The following MPP4 variants were observed in gnomAD, a reference collection of about 807,000 sequenced individuals.
MPP4 encodes the protein MAGUK p55 subfamily member 4.
Under a neutral mutation model 98.3 loss-of-function variants are expected in MPP4, and 91 were observed. The ratio of observed to expected loss-of-function variants is 0.93; its 90% CI spans 0.78 to 1.10. The LOEUF (loss-of-function observed/expected upper bound fraction) is 1.10. Among genes scored for constraint, MPP4 ranks in the 50% least tolerant of loss-of-function variants. The pLI, the probability that MPP4 is intolerant of heterozygous loss-of-function variation, is 0.00. For missense variants in MPP4, 744 were observed against 792.9 expected, an observed-to-expected ratio of 0.94 and a Z score of 0.74; for synonymous variants, 261 against 271.8, an observed-to-expected ratio of 0.96 and a Z score of 0.39.
intron 1 of MPP4, among the ~76,000 whole-genome samples, chr2:201,694,981 T>C (rs981664237): frequency 2.6e-5 from 4 of 152,184 alleles, no homozygotes; most frequent in African/African-American, 4.8e-5. Flanking sequence ...ATGCTTATTT[T>C]AATGTTTATT....
rs768887059 is a variant in MPP4, at chr2:201,693,998, G to A, written c.-44C>T. 9.3e-6 allele frequency: 15 copies of A among 1,613,580 alleles called. No individual in the cohort carries two copies. The highest frequency in any genetic ancestry group is 2.2e-5 in the South Asian group (2 of 91,058). ...TGAAAGGAATTCAGGACTAGGAAGC[G>A]GGTCAATACACGGCACACAGCTCAC... On this transcript the variant is annotated 5_prime_UTR_variant, in exon 2 of 22. Coordinates refer to ENST00000409474, the MANE Select transcript of MPP4 (RefSeq NM_033066.3).
At chr2:201,694,140 C>G in intron 1 of MPP4, 86 bp from the exon 2 acceptor site, 5 of 1,308,782 alleles carry the variant, frequency 3.8e-6, no homozygotes, top group Non-Finnish European at 5.1e-6. Context: ...ACACAGTCTT[C>G]CCCTGTGGTG....
intron 5 of MPP4, among the ~76,000 whole-genome samples, chr2:201,686,839 T>C (rs1031585457): frequency 2.0e-5 from 3 of 152,218 alleles, no homozygotes. Context: ...TACTAAGAGA[T>C]AGGTTTCTGT....
Position 201,650,655 on chromosome 2 carries a change from A to C in MPP4, c.1382-490T>G, listed in dbSNP as rs143865227. ...GCTCACATTCATAAGACTGATGAAAAGCGAAGTTGAAATTAGAACCTACGT... is the reference window on the plus strand; with the variant it reads ...GCTCACATTCATAAGACTGATGAAACGCGAAGTTGAAATTAGAACCTACGT... On this transcript the variant is annotated intron_variant, in intron 18 of 21. Transcript: ENST00000409474. 42 of 985,338 alleles carry C rather than the reference A, an allele frequency of 4.3e-5. No individual in the cohort carries two copies. The African/African-American group carries it at 6.8e-4, about 16-fold the overall frequency. 61.0% of individuals were successfully genotyped at this position (985,338 alleles called of 1,614,324 possible). A position where few individuals can be genotyped will look rare whatever the true frequency, so the allele number is the denominator to read the frequency against.
intron 11 of MPP4, among the ~76,000 whole-genome samples, chr2:201,673,304 C>A (rs1419670658): frequency 6.6e-6 from 1 of 152,134 alleles, no homozygotes; most frequent in Non-Finnish European, 1.5e-5. Flanking sequence ...TCATTCCCAG[C>A]AAACTAAGAC....
chr2:201,681,081 C>T (rs766196397), intron 9 of MPP4, 47 bp from the exon 10 acceptor site: 63 of 1,571,972 alleles, frequency 4.0e-5, no homozygotes, highest in Admixed American at 6.9e-5. Context: ...CCTAATGGTG[C>T]CATCCGAAGA....
At chr2:201,645,708 T>C (rs1016209153) in intron 21 of MPP4, among the ~76,000 whole-genome samples, 3 of 152,260 alleles carry the variant, frequency 2.0e-5, no homozygotes, top group African/African-American at 7.2e-5. Flanking sequence ...TGGCATGCAG[T>C]AGGATCATCT....
In MPP4 at chr2:201,690,297, AG is replaced by A; in HGVS notation, c.202-19del. 2 of 1,542,696 alleles carry A rather than the reference AG, an allele frequency of 1.3e-6. No homozygotes were observed. Among genetic ancestry groups the A allele is most frequent in the Non-Finnish European group, 1.8e-6 (2 of 1,124,078 alleles). ...TCATAAATCTGCAGAAGGACAAGGGAGGGAGAATTGATATTGATAATATGAC... is the reference window on the plus strand; with the variant it reads ...TCATAAATCTGCAGAAGGACAAGGGAGGAGAATTGATATTGATAATATGAC... On this transcript the variant is annotated intron_variant, in intron 3 of 21. Transcript: ENST00000409474.
intron 3 of MPP4, among the ~76,000 whole-genome samples, chr2:201,690,685 G>A (rs903400493): frequency 6.6e-5 from 10 of 152,148 alleles, no homozygotes; most frequent in Non-Finnish European, 8.8e-5. Flanking sequence ...CCTGTGTTGG[G>A]CGCCTGTGCA....
At chr2:201,664,332 A>G (rs1186675000) in intron 13 of MPP4, 1 of 1,434,314 alleles carries the variant, frequency 7.0e-7, no homozygotes, top group Non-Finnish European at 9.3e-7. Flanking sequence ...GGGGTGCAGC[A>G]GGAGCTCAAA....
intron 18 of MPP4, chr2:201,651,562 C>G (rs1363106288): frequency 4.1e-6 from 4 of 984,792 alleles, no homozygotes; most frequent in Admixed American, 1.2e-4. Context: ...AAAATATGAG[C>G]AGTATTTTCT....
Position 201,681,535 on chromosome 2 carries a change from C to T in MPP4, c.693G>A (p.Val231=). ...TCACAGGAGGGTCAGAGACTGGAAC[C>T]ACCTTGAACATGATTGTGCCTCGAG... ...AMSRGTIMFK[V]VPVSDPPVNS... is the part of the protein sequence containing the mutation. Residue 231 remains valine, a synonymous_variant, in exon 9 of 22, where the codon GTG becomes GTA. Transcript: ENST00000409474. 1.2e-6 allele frequency: 2 copies of T among 1,613,714 alleles called. No homozygotes were observed. Among genetic ancestry groups the T allele is most frequent in the Non-Finnish European group, 1.7e-6 (2 of 1,179,820 alleles).
chr2:201,669,088 T>TTGTGTG (rs770178008), intron 12 of MPP4, among the ~76,000 whole-genome samples: 120 of 141,668 alleles, frequency 8.5e-4, no homozygotes, highest in Middle Eastern at 3.5e-3. Flanking sequence ...GCATCTTGCT[T>TTGTGTG]TGTGTGTGTG....
At position 201,680,874 on chromosome 2, in the gene MPP4, C is replaced by T. The variant is rs777591391; in HGVS notation, c.893G>A (p.Cys298Tyr). ...QARKISDPATCAGLVPSNHLL... is the reference protein window; with the variant it reads ...QARKISDPATYAGLVPSNHLL... Reference sequence around the variant, plus strand: ...GTGGTTAGAAGGGACAAGCCCAGCGCAGGTAGCAGGGTCTGAGATTTTTCG... The same window carrying T: ...GTGGTTAGAAGGGACAAGCCCAGCGTAGGTAGCAGGGTCTGAGATTTTTCG... Residue 298 changes from cysteine (C) to tyrosine (Y), a missense_variant, in exon 10 of 22, where the codon TGC becomes TAC. Transcript: ENST00000409474. 1 of 1,613,504 alleles carries T rather than the reference C, an allele frequency of 6.2e-7. No individual in the cohort carries two copies. Among genetic ancestry groups the T allele is most frequent in the South Asian group, 1.1e-5 (1 of 90,918 alleles).
At chr2:201,654,766 A>G (rs1687809013) in intron 18 of MPP4, 71 bp downstream of exon 18, 1 of 1,012,328 alleles carries the variant, frequency 9.9e-7, no homozygotes, top group Non-Finnish European at 1.5e-6. Context: ...ATGGAATGAC[A>G]TAGTTAAATG....
intron 11 of MPP4, among the ~76,000 whole-genome samples, chr2:201,674,154 T>C (rs530445043): frequency 1.3e-5 from 2 of 152,188 alleles, no homozygotes; most frequent in East Asian, 1.9e-4. Context: ...TTCTGAACAG[T>C]GTGAAGGTTA....
chr2:201,660,869 T>C (rs1161645592), intron 14 of MPP4, among the ~76,000 whole-genome samples: 2 of 152,120 alleles, frequency 1.3e-5, no homozygotes, highest in Non-Finnish European at 2.9e-5. Flanking sequence ...GGAAACCAAA[T>C]ACAAAGCAAA....
intron 15 of MPP4, among the ~76,000 whole-genome samples, chr2:201,658,983 C>T (rs1013584518): frequency 3.9e-5 from 6 of 152,154 alleles, no homozygotes; most frequent in African/African-American, 1.4e-4. Context: ...GCAACCTCCA[C>T]CTCCTGGGTT....
At chr2:201,664,710 T>C (rs1017195807) in intron 13 of MPP4, among the ~76,000 whole-genome samples, 17 of 152,214 alleles carry the variant, frequency 1.1e-4, no homozygotes, top group Non-Finnish European at 2.4e-4. Flanking sequence ...ACATTACCAA[T>C]GCATGCGTCC....
Sources: gnomAD v4.1 joint callset for allele counts (sites outside exome capture counted in the v4.1 genomes callset) on GRCh38, gnomAD v4.1.1 for gene constraint, MANE v1.5 for transcripts, NCBI Gene and HGNC (gene_info 2026-07-23, HGNC 2026-07-21) for gene names.